The following LMO1 variants were observed in gnomAD, a reference collection of about 807,000 sequenced individuals.
The protein encoded by LMO1 is rhombotin-1.
Under a neutral mutation model 18.0 loss-of-function variants are expected in LMO1, and 10 were observed. The observed-to-expected ratio is 0.55, with a 90% CI of 0.34 to 0.94. The LOEUF is 0.94. Among genes scored for constraint, LMO1 ranks in the 40% least tolerant of loss-of-function variants. LMO1 has a pLI of 0.02. For synonymous variants in LMO1, 77 were observed against 77.9 expected (o/e 0.99, Z 0.06); for missense variants, 183 against 205.7 (o/e 0.89, Z 0.68).
intron 1 of LMO1, among the ~76,000 whole-genome samples, chr11:8,239,658 G>A (rs1846750231): frequency 6.6e-6 from 1 of 152,188 alleles, no homozygotes; most frequent in Non-Finnish European, 1.5e-5. Context: ...AGGGCGGGGA[G>A]CAGAGAGGTC....
At chr11:8,258,988 G>A (rs1312373051) in intron 1 of LMO1, among the ~76,000 whole-genome samples, 2 of 152,306 alleles carry the variant, frequency 1.3e-5, no homozygotes, top group African/African-American at 2.4e-5. Flanking sequence ...AGTAGTTAAT[G>A]CAGTATTGAC....
Position 8,263,577 on chromosome 11 carries a change from A to G in LMO1, c.-215T>C, listed in dbSNP as rs2071458. On this transcript the variant is annotated 5_prime_UTR_variant, in exon 1 of 4. Transcript: ENST00000335790. ...GCAGTCTCACCTACTTTTGTGCCTC[A>G]GAATTGGAAGGAACTACGAACTGCA... is the stretch of plus-strand genomic sequence containing the variant. 2 of 1,360,606 alleles carry G rather than the reference A, an allele frequency of 1.5e-6. No homozygotes were observed. The highest frequency in any genetic ancestry group is 6.0e-5 in the East Asian group (2 of 33,242). The allele number at this position is 1,360,606 out of a possible 1,614,324, so 84.3% of individuals were successfully genotyped here.
intron 1 of LMO1, among the ~76,000 whole-genome samples, chr11:8,244,530 G>A (rs575026473): frequency 3.9e-5 from 6 of 152,264 alleles, no homozygotes; most frequent in African/African-American, 1.2e-4. Context: ...AAAATACAAC[G>A]CTAATTAGTT....
chr11:8,236,362 T>G (rs1590535267), intron 1 of LMO1, among the ~76,000 whole-genome samples: 1 of 150,584 alleles, frequency 6.6e-6, no homozygotes, highest in South Asian at 2.1e-4. Flanking sequence ...GGCTAATTTT[T>G]GGGGGGAGGA....
chr11:8,258,900 G>A (rs1010396433), intron 1 of LMO1, among the ~76,000 whole-genome samples: 9 of 152,204 alleles, frequency 5.9e-5, no homozygotes, highest in African/African-American at 1.9e-4. Flanking sequence ...TTTTAGGCGA[G>A]CAGCGGCCAG....
intron 1 of LMO1, among the ~76,000 whole-genome samples, chr11:8,255,101 C>T (rs1847067581): frequency 6.6e-6 from 1 of 152,186 alleles, no homozygotes; most frequent in Non-Finnish European, 1.5e-5. Context: ...AGAGCAGAAT[C>T]TGCTTCTCCA....
At chr11:8,240,988 G>A (rs1469932247) in intron 1 of LMO1, among the ~76,000 whole-genome samples, 1 of 152,160 alleles carries the variant, frequency 6.6e-6, no homozygotes, top group Non-Finnish European at 1.5e-5. Flanking sequence ...TTGGAATGAG[G>A]CTTACGTTAA....
At chr11:8,233,107 C>A (rs1030879665) in intron 1 of LMO1, among the ~76,000 whole-genome samples, 3 of 152,222 alleles carry the variant, frequency 2.0e-5, no homozygotes, top group Non-Finnish European at 4.4e-5. Context: ...GACCTGGACA[C>A]CCCTCCCTCT....
chr11:8,231,600 T>C (rs1278081260), intron 1 of LMO1, among the ~76,000 whole-genome samples: 5 of 152,160 alleles, frequency 3.3e-5, no homozygotes, highest in Non-Finnish European at 5.9e-5. Flanking sequence ...CTGAGAACCC[T>C]TGTGAAGACA....
chr11:8,238,905 C>T (rs772956439), intron 1 of LMO1, among the ~76,000 whole-genome samples: 43 of 152,142 alleles, frequency 2.8e-4, no homozygotes, highest in Non-Finnish European at 5.9e-4. Context: ...GATGGAGATG[C>T]CCTCATCAGA....
At chr11:8,256,651 G>A (rs1263778393) in intron 1 of LMO1, among the ~76,000 whole-genome samples, 3 of 152,090 alleles carry the variant, frequency 2.0e-5, no homozygotes, top group East Asian at 1.9e-4. Context: ...CACCAGTAGC[G>A]AACAAGCTTG....
intron 1 of LMO1, among the ~76,000 whole-genome samples, chr11:8,246,403 C>A (rs1282090233): frequency 1.3e-5 from 2 of 152,172 alleles, no homozygotes; most frequent in Non-Finnish European, 2.9e-5. Context: ...CATGAAGGAA[C>A]CTTGCAAACA....
chr11:8,264,308 C>G (rs186872117), upstream of LMO1, among the ~76,000 whole-genome samples: 93 of 152,216 alleles, frequency 6.1e-4, no homozygotes, highest in African/African-American at 2.2e-3. Context: ...AGCGGGAGAG[C>G]TTATCTCAAC....
At chr11:8,268,408 C>T, upstream of LMO1, 1 of 1,468,342 alleles carries the variant, frequency 6.8e-7, no homozygotes, top group Non-Finnish European at 9.0e-7. Context: ...GGCACCGGCA[C>T]CGGGCGCCGG....
At chr11:8,267,209 G>A (rs1278624164), upstream of LMO1, among the ~76,000 whole-genome samples, 1 of 152,192 alleles carries the variant, frequency 6.6e-6, no homozygotes, top group Non-Finnish European at 1.5e-5. Context: ...CTGCACCACA[G>A]CCCTGAGAAG....
At chr11:8,246,061 A>G (rs1287780397) in intron 1 of LMO1, among the ~76,000 whole-genome samples, 1 of 152,216 alleles carries the variant, frequency 6.6e-6, no homozygotes, top group Admixed American at 6.5e-5. Flanking sequence ...GCCATTCATG[A>G]GGGAGCCATC....
chr11:8,247,537 T>C (rs1846915915), intron 1 of LMO1, among the ~76,000 whole-genome samples: 1 of 151,952 alleles, frequency 6.6e-6, no homozygotes, highest in African/African-American at 2.4e-5. Flanking sequence ...TGCCCCAGAG[T>C]TGGGAATGAG....
intron 1 of LMO1, among the ~76,000 whole-genome samples, chr11:8,254,231 A>T (rs1190778178): frequency 6.6e-6 from 1 of 152,210 alleles, no homozygotes; most frequent in Non-Finnish European, 1.5e-5. Flanking sequence ...AATCAATATA[A>T]CACTGCTCCA....
intron 1 of LMO1, among the ~76,000 whole-genome samples, chr11:8,253,251 C>T (rs1215427721): frequency 2.0e-5 from 3 of 152,210 alleles, no homozygotes; most frequent in African/African-American, 7.2e-5. Flanking sequence ...CTGGGAACTC[C>T]AGGCCTGTCT....
Sources: gnomAD v4.1 joint callset for allele counts (sites outside exome capture counted in the v4.1 genomes callset) on GRCh38, gnomAD v4.1.1 for gene constraint, MANE v1.5 for transcripts, NCBI Gene and HGNC (gene_info 2026-07-23, HGNC 2026-07-21) for gene names.